The following NUMB variants were observed in gnomAD, a reference collection of about 807,000 sequenced individuals.
The protein encoded by NUMB is NUMB endocytic adaptor protein.
A neutral mutation model predicts 59.7 loss-of-function variants in NUMB; 29 were observed. The ratio of observed to expected loss-of-function variants is 0.49; its 90% confidence interval spans 0.36 to 0.66. The LOEUF (loss-of-function observed/expected upper bound fraction) is 0.66. NUMB is among the 30% of genes least tolerant of loss of function. The pLI, the probability that NUMB is intolerant of heterozygous loss-of-function variation, is 0.00. For missense variants in NUMB, 723 were observed against 822.0 expected (o/e 0.88, Z 1.47); for synonymous variants, 288 against 288.2 (o/e 1.00, Z 0.01).
chr14:73,381,250 T>C (rs937533183), intron 2 of NUMB, among the ~76,000 whole-genome samples: 1 of 151,982 alleles, frequency 6.6e-6, no homozygotes, highest in African/African-American at 2.4e-5. Flanking sequence ...ACCTAATATA[T>C]TTCTATACAA....
chr14:73,351,239 T>C (rs1017925512), intron 4 of NUMB, among the ~76,000 whole-genome samples: 7 of 152,162 alleles, frequency 4.6e-5, no homozygotes, highest in Admixed American at 1.3e-4. Context: ...TTTGGGAGAC[T>C]GAGGCGGGCG....
chr14:73,373,649 CAT>C (rs1160895226), intron 2 of NUMB, among the ~76,000 whole-genome samples: 1 of 149,180 alleles, frequency 6.7e-6, no homozygotes, highest in African/African-American at 2.5e-5. Flanking sequence ...GAAGAAGAAA[CAT>C]AATTTGCAGT....
chr14:73,332,280 G>A lies in NUMB; in HGVS notation c.127-9076C>T, dbSNP rs530921017. Among the ~76,000 whole-genome samples, 9 of 150,832 alleles carry A rather than the reference G, an allele frequency of 6.0e-5. No homozygotes were observed. The South Asian group carries it at 1.9e-3, about 32-fold the overall frequency. On this transcript the variant is annotated intron_variant, in intron 4 of 12. Transcript: ENST00000555238. The stretch of plus-strand genomic sequence containing the variant: ...TTTTTTTTTTCTTTTTTTTGAGACA[G>A]TCTCACTCTGTTGCCCTGGCTGGAG...
chr14:73,422,219 A>C (rs1259391752), intron 1 of NUMB, among the ~76,000 whole-genome samples: 2 of 152,038 alleles, frequency 1.3e-5, no homozygotes, highest in Non-Finnish European at 2.9e-5. Context: ...GAACTGTCTC[A>C]TACCTTGTGG....
intron 11 of NUMB, among the ~76,000 whole-genome samples, chr14:73,280,686 A>ATTTTTTTTTTTTTT (rs397852698): frequency 2.3e-5 from 2 of 87,722 alleles, no homozygotes; most frequent in Non-Finnish European, 4.1e-5. Flanking sequence ...TGTTGGTACT[A>ATTTTTTTTTTTTTT]TTTTTTTTTT....
At chr14:73,322,992 A>G (rs1209665401) in intron 5 of NUMB, 138 bp downstream of exon 5, 2 of 633,860 alleles carry the variant, frequency 3.2e-6, no homozygotes, top group Admixed American at 5.7e-5. Context: ...CGCTTGGCTG[A>G]GATGCTCCTT....
chr14:73,307,012 T>C (rs1004886445), intron 6 of NUMB, among the ~76,000 whole-genome samples: 1 of 152,058 alleles, frequency 6.6e-6, no homozygotes, highest in Non-Finnish European at 1.5e-5. Flanking sequence ...CCCTATCAGA[T>C]AAAAATAAAG....
chr14:73,379,677 T>C (rs1365202449), intron 2 of NUMB, among the ~76,000 whole-genome samples: 1 of 152,084 alleles, frequency 6.6e-6, no homozygotes, highest in African/African-American at 2.4e-5. Context: ...CCCAAGTACA[T>C]AGGTGGAAGA....
At chr14:73,405,780 T>A (rs555301605) in intron 2 of NUMB, among the ~76,000 whole-genome samples, 333 of 141,450 alleles carry the variant, frequency 2.4e-3, no homozygotes, top group African/African-American at 7.8e-3. Context: ...CAAACTCTGT[T>A]GTTTTGGGTT....
rs200599673 is a variant in NUMB, at chr14:73,287,231, C to T, written c.534G>A (p.Val178=). The change falls in exon 9 of 13, where the codon GTG becomes GTA. Residue 178 remains valine (V), a synonymous_variant. Transcript: ENST00000555238. ...RKQKREKECG[V]TATFDASRTT... is the part of the protein sequence containing the mutation. ...TCCGACTAGCATCAAAAGTAGCAGT[C>T]ACTCCACATTCCTTCTCCCGCTTCT... 1.1e-4 allele frequency: 174 copies of T among 1,613,718 alleles called. No individual in the cohort carries two copies. The East Asian group carries it at 1.8e-3, about 16-fold the overall frequency.
chr14:73,325,248 A>C (rs995397129), intron 4 of NUMB, among the ~76,000 whole-genome samples: 4 of 152,180 alleles, frequency 2.6e-5, no homozygotes, highest in African/African-American at 9.7e-5. Flanking sequence ...TAAGAAGATC[A>C]TCTGAGGCCT....
intron 2 of NUMB, among the ~76,000 whole-genome samples, chr14:73,389,399 T>A (rs868070017): frequency 6.6e-6 from 1 of 151,666 alleles, no homozygotes; most frequent in Non-Finnish European, 1.5e-5. Context: ...GTGGCACCAC[T>A]GCAATCTTTG....
At chr14:73,433,915 G>A (rs570010993) in intron 1 of NUMB, among the ~76,000 whole-genome samples, 1 of 152,052 alleles carries the variant, frequency 6.6e-6, no homozygotes, top group Non-Finnish European at 1.5e-5. Flanking sequence ...TCAACATGGT[G>A]AAACCCCGTC....
chr14:73,423,396 T>C (rs1346683903), intron 1 of NUMB, among the ~76,000 whole-genome samples: 2 of 151,290 alleles, frequency 1.3e-5, no homozygotes, highest in Non-Finnish European at 1.5e-5. Context: ...TCCAGCACTT[T>C]GGGAGACCGA....
intron 6 of NUMB, among the ~76,000 whole-genome samples, chr14:73,310,911 T>C (rs1890745373): frequency 6.6e-6 from 1 of 152,136 alleles, no homozygotes; most frequent in African/African-American, 2.4e-5. Context: ...TATAAAAACA[T>C]TTTTTCAAAT....
intron 1 of NUMB, among the ~76,000 whole-genome samples, chr14:73,422,656 C>A (rs1897400020): frequency 6.6e-6 from 1 of 151,630 alleles, no homozygotes. Context: ...TGGGAGGAGG[C>A]AGATCACATG....
At chr14:73,352,422 TAATA>T (rs1454501200) in intron 4 of NUMB, among the ~76,000 whole-genome samples, 13 of 86,546 alleles carry the variant, frequency 1.5e-4, no homozygotes, top group Non-Finnish European at 3.0e-4. Context: ...TGGGTTGTAA[TAATA>T]TATATATACA....
chr14:73,310,500 T>C (rs1210054988), intron 6 of NUMB, among the ~76,000 whole-genome samples: 7 of 152,206 alleles, frequency 4.6e-5, no homozygotes, highest in Non-Finnish European at 8.8e-5. Context: ...AATTAAGGCA[T>C]ACCCGAGGAA....
At chr14:73,434,505 T>C (rs1473855118) in intron 1 of NUMB, among the ~76,000 whole-genome samples, 1 of 152,134 alleles carries the variant, frequency 6.6e-6, no homozygotes, top group East Asian at 1.9e-4. Context: ...TATAGAATAG[T>C]TTCCTAACCA....
Sources: gnomAD v4.1 joint callset for allele counts (sites outside exome capture counted in the v4.1 genomes callset) on GRCh38, gnomAD v4.1.1 for gene constraint, MANE v1.5 for transcripts, NCBI Gene and HGNC (gene_info 2026-07-23, HGNC 2026-07-21) for gene names.